Variants in TUSC3 observed in about 807,000 individuals in gnomAD.
The protein encoded by TUSC3 is dolichyl-diphosphooligosaccharide--protein glycosyltransferase subunit TUSC3.
A neutral mutation model predicts 44.8 loss-of-function variants in TUSC3; 45 were observed. The ratio of observed to expected loss-of-function variants is 1.00; its 90% CI spans 0.79 to 1.29. The LOEUF (loss-of-function observed/expected upper bound fraction) is 1.29. Among genes scored for constraint, TUSC3 ranks in the 50% most tolerant of loss-of-function variants. TUSC3 has a pLI of 0.00. For missense variants in TUSC3, 519 were observed against 437.9 expected (o/e 1.19, Z -1.65); for synonymous variants, 212 against 152.9 (o/e 1.39, Z -2.85).
At chr8:15,511,611 T>C (rs1474174433) in intron 2 of TUSC3, among the ~76,000 whole-genome samples, 1 of 152,192 alleles carries the variant, frequency 6.6e-6, no homozygotes, top group African/African-American at 2.4e-5. Flanking sequence ...AGCTCACGCC[T>C]GTAATTCCAG....
At chr8:15,802,559 T>C in the TUSC3 span, among the ~76,000 whole-genome samples, 1 of 152,106 alleles carries the variant, frequency 6.6e-6, no homozygotes, top group African/African-American at 2.4e-5. Context: ...CTAGCTAGGA[T>C]TACAGGTGCA....
chr8:15,848,178 A>G, the TUSC3 span, among the ~76,000 whole-genome samples: 1 of 152,108 alleles, frequency 6.6e-6, no homozygotes, highest in African/African-American at 2.4e-5. Context: ...CAAGCATGCA[A>G]CTTACCTGGC....
At chr8:15,593,292 A>G (rs965129203) in intron 1 of TUSC3, among the ~76,000 whole-genome samples, 1 of 151,906 alleles carries the variant, frequency 6.6e-6, no homozygotes, top group African/African-American at 2.4e-5. Context: ...CACCATGTTT[A>G]CCAGGTTGGT....
At chr8:15,440,478 T>A (rs1342651466) in intron 1 of TUSC3, among the ~76,000 whole-genome samples, 1 of 152,106 alleles carries the variant, frequency 6.6e-6, no homozygotes, top group African/African-American at 2.4e-5. Context: ...CAGAACTAAT[T>A]TTTATTGTAA....
At chr8:15,698,889 AGGCTGGAGTTCAGT>A (rs1334712792) in intron 6 of TUSC3, among the ~76,000 whole-genome samples, 4 of 149,910 alleles carry the variant, frequency 2.7e-5, no homozygotes, top group African/African-American at 9.9e-5. Context: ...CCTGTGGCCC[AGGCTGGAGTTCAGT>A]GGCGTGATCA....
At chr8:15,589,837 A>G (rs1183661309) in intron 1 of TUSC3, among the ~76,000 whole-genome samples, 1 of 152,206 alleles carries the variant, frequency 6.6e-6, no homozygotes, top group Non-Finnish European at 1.5e-5. Context: ...CATGAACAAA[A>G]TTCTGATTCT....
chr8:15,759,694 G>A (rs981669208), intron 10 of TUSC3, among the ~76,000 whole-genome samples: 1 of 151,892 alleles, frequency 6.6e-6, no homozygotes, highest in Non-Finnish European at 1.5e-5. Flanking sequence ...TTGTAACATG[G>A]CATTCTTACA....
chr8:15,753,926 A>G (rs1442287388), intron 9 of TUSC3, among the ~76,000 whole-genome samples: 1 of 151,106 alleles, frequency 6.6e-6, no homozygotes, highest in Non-Finnish European at 1.5e-5. Context: ...AATGAAGGAG[A>G]AGAAGAAATA....
chr8:15,764,255 T>A lies in TUSC3; in HGVS notation c.*99T>A. ...ATTTGCATAAAGTGAATGTTTACCA[T>A]GAAGATAAACTGTTCCTGACTTTAT... On this transcript the variant is annotated 3_prime_UTR_variant, in exon 11 of 11. Transcript: ENST00000503731. 6.2e-7 allele frequency: 1 copy of A among 1,600,338 alleles called. No homozygotes were observed. Among genetic ancestry groups the A allele is most frequent in the Non-Finnish European group, 8.6e-7 (1 of 1,169,306 alleles).
At chr8:15,695,000 T>C (rs1017354028) in intron 6 of TUSC3, among the ~76,000 whole-genome samples, 5 of 152,214 alleles carry the variant, frequency 3.3e-5, no homozygotes, top group Non-Finnish European at 2.9e-5. Flanking sequence ...GTTTGCACCA[T>C]TGCCGGTGTC....
chr8:15,601,010 C>T (rs778256725), intron 1 of TUSC3, among the ~76,000 whole-genome samples: 2 of 151,484 alleles, frequency 1.3e-5, no homozygotes, highest in African/African-American at 2.4e-5. Context: ...CACAGGTTCA[C>T]TGAAATCAAG....
intron 1 of TUSC3, among the ~76,000 whole-genome samples, chr8:15,461,246 G>T (rs1020948410): frequency 2.0e-5 from 3 of 151,930 alleles, no homozygotes; most frequent in African/African-American, 7.3e-5. Context: ...TCGCCTCCTT[G>T]TTTAGGTATA....
At chr8:15,785,097 G>A in the TUSC3 span, among the ~76,000 whole-genome samples, 1 of 151,868 alleles carries the variant, frequency 6.6e-6, no homozygotes, top group Non-Finnish European at 1.5e-5. Context: ...ATCCACTAAA[G>A]AATGAATTTC....
the TUSC3 span, among the ~76,000 whole-genome samples, chr8:15,844,218 T>C: frequency 1.3e-5 from 2 of 152,154 alleles, no homozygotes; most frequent in Non-Finnish European, 2.9e-5. Flanking sequence ...TCTGTGATTG[T>C]TTGGTTATGT....
intron 5 of TUSC3, among the ~76,000 whole-genome samples, chr8:15,669,702 A>C (rs1807855729): frequency 6.6e-6 from 1 of 151,712 alleles, no homozygotes; most frequent in South Asian, 2.1e-4. Context: ...ATAGAAGGGA[A>C]TTTCCTTAAT....
chr8:15,495,124 T>C (rs1427457428), intron 2 of TUSC3, among the ~76,000 whole-genome samples: 1 of 151,570 alleles, frequency 6.6e-6, no homozygotes, highest in East Asian at 1.9e-4. Flanking sequence ...CTGGTGTATA[T>C]GTACCATATT....
intron 1 of TUSC3, among the ~76,000 whole-genome samples, chr8:15,560,454 A>G (rs556684361): frequency 6.7e-6 from 1 of 148,978 alleles, no homozygotes; most frequent in Admixed American, 6.7e-5. Context: ...CTTCATTTCA[A>G]CTTTGGTGAA....
the TUSC3 span, among the ~76,000 whole-genome samples, chr8:15,832,467 C>A: frequency 6.6e-6 from 1 of 152,200 alleles, no homozygotes; most frequent in South Asian, 2.1e-4. Flanking sequence ...CTAAATGTCC[C>A]AATCAAAAGA....
chr8:15,451,676 G>A (rs948195762), intron 1 of TUSC3, among the ~76,000 whole-genome samples: 4 of 152,098 alleles, frequency 2.6e-5, no homozygotes, highest in Non-Finnish European at 5.9e-5. Flanking sequence ...CCTGAGGAAG[G>A]GATAGTGGGA....
Sources: gnomAD v4.1 joint callset for allele counts (sites outside exome capture counted in the v4.1 genomes callset) on GRCh38, gnomAD v4.1.1 for gene constraint, MANE v1.5 for transcripts, NCBI Gene and HGNC (gene_info 2026-07-23, HGNC 2026-07-21) for gene names.